VPS13D: variants seen among roughly 807,000 people sequenced by gnomAD.
VPS13D encodes vacuolar protein sorting 13 homolog D, also known as intermembrane lipid transfer protein VPS13D.
VPS13D carries 187 observed loss-of-function variants against 461.9 expected under a neutral mutation model. The observed-to-expected ratio is 0.40, with a 90% CI of 0.36 to 0.46. The LOEUF is 0.46. VPS13D is among the 20% of genes least tolerant of loss of function. VPS13D has a pLI of 0.60. For missense variants in VPS13D, 4,711 were observed against 5,364.9 expected (o/e 0.88, Z 3.81); for synonymous variants, 1,951 against 1,986.3 (o/e 0.98, Z 0.47).
In VPS13D at chr1:12,354,139, A is replaced by T; in HGVS notation, c.9597A>T (p.Lys3199Asn). 1 of 1,614,230 alleles carries T rather than the reference A, an allele frequency of 6.2e-7. No individual in the cohort carries two copies. Among genetic ancestry groups the T allele is most frequent in the Non-Finnish European group, 8.5e-7 (1 of 1,180,042 alleles). Residue 3199 changes from lysine to asparagine, a missense_variant, in exon 47 of 70, where the codon AAA becomes AAT. Physicochemically the swap from Lys to Asn is moderately conservative, Grantham distance 94. Coordinates refer to ENST00000620676, the MANE Select transcript of VPS13D (RefSeq NM_015378.4). The part of the protein sequence containing the change: ...LLPCELDFYV[K>N]GMPINGTLKP... The stretch of plus-strand genomic sequence containing the variant: ...CCTGTGAACTTGATTTTTATGTTAA[A>T]GGAATGCCAATTAATGGGACGCTGA...
intron 2 of VPS13D, among the ~76,000 whole-genome samples, chr1:12,238,221 A>C (rs1280542580): frequency 2.2e-5 from 3 of 138,996 alleles, no homozygotes; most frequent in Non-Finnish European, 3.1e-5. Flanking sequence ...AATAATCCCC[A>C]AAAAATCCCC....
intron 67 of VPS13D, among the ~76,000 whole-genome samples, chr1:12,474,004 G>A (rs1027174374): frequency 2.6e-5 from 4 of 152,186 alleles, no homozygotes; most frequent in African/African-American, 9.6e-5. Flanking sequence ...ACTATTGTTA[G>A]TGTCTGCTGT....
At chr1:12,291,902 A>G (rs991278998) in intron 23 of VPS13D, among the ~76,000 whole-genome samples, 2 of 152,164 alleles carry the variant, frequency 1.3e-5, no homozygotes, top group Admixed American at 6.5e-5. Flanking sequence ...CATGATCTAT[A>G]TTGAATTGTT....
chr1:12,384,774 A>T (rs1023615268), intron 58 of VPS13D, among the ~76,000 whole-genome samples: 1 of 152,112 alleles, frequency 6.6e-6, no homozygotes, highest in Non-Finnish European at 1.5e-5. Context: ...GCATGCCACC[A>T]TGCTTAGCTA....
chr1:12,484,279 C>A (rs1225848755), intron 67 of VPS13D, among the ~76,000 whole-genome samples: 1 of 152,160 alleles, frequency 6.6e-6, no homozygotes, highest in Non-Finnish European at 1.5e-5. Context: ...CCCCAGCGCT[C>A]CCACTTACCT....
In VPS13D at chr1:12,253,766, T is replaced by G; in HGVS notation, c.609T>G (p.Phe203Leu). The G allele has an allele frequency of 6.2e-7, 1 of 1,614,168 alleles. No individual in the cohort carries two copies. Residue 203 changes from phenylalanine (F) to leucine (L), a missense_variant, in exon 7 of 70, where the codon TTT becomes TTG. Phe to Leu is a conservative substitution (Grantham distance 22). Transcript: ENST00000620676. ...AAAAGCAATTAGACGTAGCAGAATTTAGCATCTATTGGGATGTCGATTGCA... is the reference window on the plus strand; with the variant it reads ...AAAAGCAATTAGACGTAGCAGAATTGAGCATCTATTGGGATGTCGATTGCA... ...MRKKQLDVAE[F>L]SIYWDVDCTL...
intron 22 of VPS13D, among the ~76,000 whole-genome samples, chr1:12,290,672 C>G (rs1301838184): frequency 4.0e-5 from 6 of 151,070 alleles, no homozygotes; most frequent in Admixed American, 6.6e-5. Context: ...GCAGTGACCC[C>G]AGATCGCGCC....
intron 67 of VPS13D, among the ~76,000 whole-genome samples, chr1:12,471,714 C>A (rs1645565439): frequency 6.6e-6 from 1 of 151,978 alleles, no homozygotes; most frequent in African/African-American, 2.4e-5. Context: ...AATAGTATTC[C>A]CAGTGAAGCC....
At chr1:12,409,056 G>C (rs890465658) in intron 63 of VPS13D, among the ~76,000 whole-genome samples, 4 of 151,802 alleles carry the variant, frequency 2.6e-5, no homozygotes, top group Non-Finnish European at 5.9e-5. Context: ...TTTTTCTTCA[G>C]CTTTTTGTCT....
chr1:12,363,290 T>C, intron 52 of VPS13D, 43 bp downstream of exon 52: 1 of 1,594,874 alleles, frequency 6.3e-7, no homozygotes, highest in Non-Finnish European at 8.6e-7. Context: ...GTAGCCCCTG[T>C]TTGAGATGCA....
At chr1:12,346,357 C>T (rs1643676163) in intron 43 of VPS13D, among the ~76,000 whole-genome samples, 1 of 152,156 alleles carries the variant, frequency 6.6e-6, no homozygotes, top group African/African-American at 2.4e-5. Context: ...AGGACCAGTT[C>T]CCTCATAGGT....
chr1:12,377,820 C>CAAAAA (rs1193875764), intron 55 of VPS13D, among the ~76,000 whole-genome samples: 3 of 77,040 alleles, frequency 3.9e-5, no homozygotes, highest in African/African-American at 1.0e-4. Context: ...AACTCCATCC[C>CAAAAA]AAAAAAAAAA....
At chr1:12,385,614 A>C (rs1644340783) in intron 59 of VPS13D, among the ~76,000 whole-genome samples, 1 of 152,236 alleles carries the variant, frequency 6.6e-6, no homozygotes, top group Non-Finnish European at 1.5e-5. Context: ...AAGGAAGCTA[A>C]ATTGTTTGAA....
chr1:12,482,453 A>G (rs1447260345), intron 67 of VPS13D, among the ~76,000 whole-genome samples: 1 of 152,224 alleles, frequency 6.6e-6, no homozygotes, highest in Non-Finnish European at 1.5e-5. Context: ...TGCTCTCTGT[A>G]TCATCTTTTT....
At chr1:12,373,278 G>A (rs1314716118) in intron 54 of VPS13D, among the ~76,000 whole-genome samples, 1 of 151,506 alleles carries the variant, frequency 6.6e-6, no homozygotes, top group Non-Finnish European at 1.5e-5. Flanking sequence ...CTGCCTCCAT[G>A]CCCGGCTAAT....
chr1:12,426,280 G>A (rs1644924089), intron 65 of VPS13D, among the ~76,000 whole-genome samples: 1 of 152,202 alleles, frequency 6.6e-6, no homozygotes, highest in African/African-American at 2.4e-5. Flanking sequence ...AAGCAGAGCA[G>A]AGCTTTGGAC....
intron 5 of VPS13D, 47 bp downstream of exon 5, chr1:12,244,664 C>A: frequency 6.4e-7 from 1 of 1,558,082 alleles, no homozygotes; most frequent in East Asian, 2.2e-5. Context: ...AAAGGGATTT[C>A]TCAGGTTTAA....
At chr1:12,479,730 T>C (rs1645688393) in intron 67 of VPS13D, among the ~76,000 whole-genome samples, 1 of 152,148 alleles carries the variant, frequency 6.6e-6, no homozygotes, top group South Asian at 2.1e-4. Flanking sequence ...ATGATTTCAA[T>C]CCAAAGCATC....
intron 13 of VPS13D, among the ~76,000 whole-genome samples, chr1:12,266,139 T>C (rs1641260324): frequency 6.6e-6 from 1 of 152,194 alleles, no homozygotes; most frequent in African/African-American, 2.4e-5. Context: ...CACTCCAGCC[T>C]GGGTGACAAA....
Sources: allele counts gnomAD v4.1 joint callset (sites outside exome capture counted in the v4.1 genomes callset), GRCh38; gene constraint gnomAD v4.1.1; transcripts MANE v1.5; gene names NCBI Gene and HGNC (gene_info 2026-07-23, HGNC 2026-07-21).